COG4: variants seen among roughly 807,000 people sequenced by gnomAD.
COG4 encodes component of oligomeric golgi complex 4.
In COG4, 65 loss-of-function variants were observed where a neutral mutation model predicts 95.1. The ratio of observed to expected loss-of-function variants is 0.68; its 90% CI spans 0.56 to 0.84. COG4 has a LOEUF of 0.84. COG4 is among the 40% of genes least tolerant of loss of function. COG4 has a pLI of 0.00. For synonymous variants in COG4, 421 were observed against 374.8 expected, an observed-to-expected ratio of 1.12 and a Z score of -1.42; for missense variants, 1,045 against 989.1, an observed-to-expected ratio of 1.06 and a Z score of -0.76.
At chr16:70,518,120 G>A (rs761823311) in intron 2 of COG4, among the ~76,000 whole-genome samples, 4 of 151,476 alleles carry the variant, frequency 2.6e-5, no homozygotes, top group Non-Finnish European at 4.4e-5. Flanking sequence ...TAGTAGAGAC[G>A]GGGTTTCACC....
chr16:70,511,266 C>T (rs1199830927), intron 5 of COG4, among the ~76,000 whole-genome samples: 1 of 150,702 alleles, frequency 6.6e-6, no homozygotes, highest in Non-Finnish European at 1.5e-5. Context: ...TTGCTAACTC[C>T]CTCATTTTAA....
chr16:70,482,136 G>A lies in COG4; in HGVS notation c.1960C>T (p.Gln654Ter). The change falls in exon 16 of 19, where the codon CAA becomes TAA. Residue 654 changes from glutamine (Q) to a stop codon, truncating the protein, a stop_gained. Transcript: ENST00000323786. LOFTEE classifies it high-confidence loss of function. ...NDYEANDPWV[Q>*]QFILNLEQQM... ...TGCTCCAGGTTAAGGATGAACTGTTGTACCCAAGGGTCGTTGGCCTCATAG... is the reference window on the plus strand; with the variant it reads ...TGCTCCAGGTTAAGGATGAACTGTTATACCCAAGGGTCGTTGGCCTCATAG... The A allele has an allele frequency of 1.9e-6, 3 of 1,614,028 alleles. No individual in the cohort carries two copies. The highest frequency in any genetic ancestry group is 2.5e-6 in the Non-Finnish European group (3 of 1,179,956).
At chr16:70,522,460 C>G (rs1049750094) in intron 1 of COG4, among the ~76,000 whole-genome samples, 2 of 152,098 alleles carry the variant, frequency 1.3e-5, no homozygotes, top group Admixed American at 1.3e-4. Context: ...CTAAAAATAA[C>G]AAAACAAAAC....
chr16:70,496,173 C>T lies in COG4; in HGVS notation c.1647+93G>A, dbSNP rs762947647. 1.0e-5 allele frequency: 14 copies of T among 1,341,092 alleles called. 1 individual carries two copies. In the South Asian group the frequency reaches 1.6e-4, roughly 15 times the overall value. 83.1% of individuals were successfully genotyped at this position (1,341,092 alleles called of 1,614,324 possible). On this transcript the variant is annotated intron_variant, in intron 12 of 18. Transcript: ENST00000323786. ...TCTATATAGACACTGGAGGAAAAGT[C>T]TCTAGCTAGAGGCCAATTATACTGT...
rs770026002 is a variant in COG4, at chr16:70,523,421, T to C, written c.123A>G (p.Thr41=). 4 of 1,614,118 alleles carry C rather than the reference T, an allele frequency of 2.5e-6. No individual in the cohort carries two copies. The highest frequency in any genetic ancestry group is 1.7e-5 in the Admixed American group (1 of 60,024). The change falls in exon 1 of 19, where the codon ACA becomes ACG. Residue 41 remains threonine, a synonymous_variant. Transcript: ENST00000323786. ...EISAELIRSL[T]ELQELEAVYE... ...ATACAGCCTCCAGCTCCTGCAGCTC[T>C]GTCAGGGAGCGAATGAGCTCAGCGG...
chr16:70,486,793 A>C (rs9932065), intron 13 of COG4, among the ~76,000 whole-genome samples: 3 of 151,168 alleles, frequency 2.0e-5, no homozygotes, highest in Non-Finnish European at 4.4e-5. Flanking sequence ...TGAAGAGATC[A>C]AGACCATCCT....
chr16:70,508,595 C>G (rs774815896), intron 7 of COG4, 131 bp from the exon 8 acceptor site: 38 of 820,588 alleles, frequency 4.6e-5, no homozygotes, highest in Non-Finnish European at 7.7e-5. Flanking sequence ...ACCTTCCCTT[C>G]AAGCCAGCAG....
intron 8 of COG4, among the ~76,000 whole-genome samples, chr16:70,503,406 C>T (rs2049492762): frequency 6.6e-6 from 1 of 152,140 alleles, no homozygotes; most frequent in African/African-American, 2.4e-5. Flanking sequence ...GTTTCCATAC[C>T]TCTCAGAATA....
Position 70,519,630 on chromosome 16 carries a change from C to G in COG4, c.254+19G>C. On this transcript the variant is annotated intron_variant, in intron 2 of 18. Coordinates refer to ENST00000323786, the MANE Select transcript of COG4 (RefSeq NM_015386.3). ...CTGTTGGAATTTACATTAGCTCTTG[C>G]TGAGATGCACAGACTCACCCCATTC... 1 of 1,591,828 alleles carries G rather than the reference C, an allele frequency of 6.3e-7. No individual in the cohort carries two copies. Among genetic ancestry groups the G allele is most frequent in the South Asian group, 1.1e-5 (1 of 90,462 alleles).
rs185536898 is a variant in COG4 at position 70,487,763 on chromosome 16, G to A, written c.1710+2567C>T. ...CTCATTTTCCAATAGTTCACAAAGT[G>A]ATCCCTCCATGCTGTTATTTTTATT... On this transcript the variant is annotated intron_variant, in intron 13 of 18. Transcript: ENST00000323786. Among the ~76,000 whole-genome samples, 30 of 152,160 alleles carry A rather than the reference G, an allele frequency of 2.0e-4. No individual in the cohort carries two copies. In the East Asian group the frequency reaches 5.6e-3, roughly 28 times the overall value.
At position 70,498,024 on chromosome 16, in the gene COG4, A is replaced by C; in HGVS notation, c.1227T>G (p.Asn409Lys). Residue 409 changes from asparagine to lysine, a missense_variant, in exon 10 of 19, where the codon AAT becomes AAG. Transcript: ENST00000323786. ...GCATGGTACAGCTCAAAAGGCAGTT[A>C]TTGAGGAGTTTGTCCAGACACTTCT... ...EHQKCLDKLL[N>K]NCLLSCTMQE... 1 of 1,613,662 alleles carries C rather than the reference A, an allele frequency of 6.2e-7. No individual in the cohort carries two copies. Among genetic ancestry groups the C allele is most frequent in the Non-Finnish European group, 8.5e-7 (1 of 1,179,564 alleles).
chr16:70,491,824 C>CAAAAAAAAAAAAAAAA, intron 12 of COG4, among the ~76,000 whole-genome samples: 1 of 59,344 alleles, frequency 1.7e-5, no homozygotes, highest in Non-Finnish European at 4.2e-5. Flanking sequence ...AACTACGTCT[C>CAAAAAAAAAAAAAAAA]AAAAAAAAAA....
intron 8 of COG4, among the ~76,000 whole-genome samples, chr16:70,507,721 G>A (rs996888980): frequency 1.3e-5 from 2 of 151,820 alleles, no homozygotes; most frequent in South Asian, 4.2e-4. Flanking sequence ...AATTAGCTGG[G>A]AATGGTGGTG....
At chr16:70,513,380 G>C (rs180882664) in intron 4 of COG4, among the ~76,000 whole-genome samples, 1 of 152,150 alleles carries the variant, frequency 6.6e-6, no homozygotes, top group Non-Finnish European at 1.5e-5. Context: ...AGTAGATCTG[G>C]ATTCAGTTTC....
intron 11 of COG4, 122 bp downstream of exon 11, chr16:70,497,099 G>A: frequency 1.0e-6 from 1 of 972,304 alleles, no homozygotes; most frequent in South Asian, 1.3e-5. Flanking sequence ...TTAGGGATAG[G>A]AGCTGATGTC....
rs2049011954 is a variant in COG4, at chr16:70,482,159, T to C, written c.1937A>G (p.Tyr646Cys). Reference protein sequence around the residue: ...HNIEEEEFNDYEANDPWVQQF... With the variant: ...HNIEEEEFNDCEANDPWVQQF... ...TTGTACCCAAGGGTCGTTGGCCTCA[T>C]AGTCATTGAATTCTTCCTGTTGTCA... The change falls in exon 16 of 19, where the codon TAT (tyrosine) becomes TGT (cysteine). Residue 646 changes from tyrosine (Y) to cysteine (C), a missense_variant. By Grantham distance (194) the Tyr-to-Cys change is radical (BLOSUM62 -2). Coordinates refer to ENST00000323786, the MANE Select transcript of COG4 (RefSeq NM_015386.3). 2 of 1,613,404 alleles carry C rather than the reference T, an allele frequency of 1.2e-6. No individual in the cohort carries two copies. The highest frequency in any genetic ancestry group is 1.7e-6 in the Non-Finnish European group (2 of 1,179,332).
intron 2 of COG4, 45 bp downstream of exon 2, chr16:70,519,604 C>G: frequency 7.0e-7 from 1 of 1,424,818 alleles, no homozygotes; most frequent in Non-Finnish European, 9.9e-7. Context: ...TCCAATTGAC[C>G]CTGTTGGAAT....
rs983610053 is a variant in COG4, at chr16:70,521,607, T to A, written c.171+1766A>T. Among the ~76,000 whole-genome samples, 3 of 152,202 alleles carry A rather than the reference T, an allele frequency of 2.0e-5. No individual in the cohort carries two copies. The South Asian group carries it at 6.2e-4, about 32-fold the overall frequency. Reference sequence around the variant, plus strand: ...ATGGAATACAAATACAGTACTTATATCATTTTGTCTGTAAGATTTCCATAA... The same window carrying A: ...ATGGAATACAAATACAGTACTTATAACATTTTGTCTGTAAGATTTCCATAA... On this transcript the variant is annotated intron_variant, in intron 1 of 18. Transcript: ENST00000323786.
intron 9 of COG4, among the ~76,000 whole-genome samples, chr16:70,499,395 A>G (rs999015506): frequency 2.6e-5 from 4 of 152,316 alleles, no homozygotes; most frequent in South Asian, 2.1e-4. Flanking sequence ...GCGAACTCCA[A>G]ATGAGCACAC....
Sources: allele counts gnomAD v4.1 joint callset (sites outside exome capture counted in the v4.1 genomes callset), GRCh38; gene constraint gnomAD v4.1.1; transcripts MANE v1.5; gene names NCBI Gene and HGNC (gene_info 2026-07-23, HGNC 2026-07-21).